The following OTOA variants were observed in gnomAD, a reference collection of about 807,000 sequenced individuals.
OTOA encodes the protein cancer/testis antigen 108.
A neutral mutation model predicts 110.8 loss-of-function variants in OTOA; 70 were observed. The ratio of observed to expected loss-of-function variants is 0.63; its 90% CI spans 0.52 to 0.77. The LOEUF (loss-of-function observed/expected upper bound fraction) is 0.77, where lower values mean the gene tolerates loss of function less well. Among genes scored for constraint, OTOA ranks in the 30% least tolerant of loss-of-function variants. OTOA has a pLI of 0.00. For synonymous variants in OTOA, 373 were observed against 431.5 expected (o/e 0.86, Z 1.68); for missense variants, 917 against 1,075.8 (o/e 0.85, Z 2.06).
At chr16:21,716,847 C>T in intron 14 of OTOA, 60 bp from the exon 15 acceptor site, 1 of 1,606,114 alleles carries the variant, frequency 6.2e-7, no homozygotes. Context: ...GTGCCTGGCC[C>T]TTCCTCAAAG....
intron 13 of OTOA, 142 bp from the exon 14 acceptor site, chr16:21,714,843 G>A (rs1898500432): frequency 4.7e-6 from 5 of 1,064,978 alleles, no homozygotes; most frequent in African/African-American, 4.7e-5. Context: ...AGGAAGGCCT[G>A]TGGAGGCAGC....
chr16:21,725,503 G>T (rs1898885296), intron 18 of OTOA, among the ~76,000 whole-genome samples: 2 of 151,952 alleles, frequency 1.3e-5, no homozygotes, highest in Admixed American at 1.3e-4. Flanking sequence ...GCTCAGGCTG[G>T]TCTCAAACTC....
chr16:21,728,291 G>A lies in OTOA; in HGVS notation c.2067G>A (p.Leu689=), dbSNP rs750365111. The change falls in exon 20 of 29, where the codon CTG becomes CTA. Residue 689 remains leucine, a synonymous_variant. Coordinates refer to ENST00000646100, the MANE Select transcript of OTOA (RefSeq NM_144672.4). Reference sequence around the variant, plus strand: ...CTGTGGACATCATGGGGAACCTGCTGTGTCACTTGCCGGCAGCCATCATCG... The same window carrying A: ...CTGTGGACATCATGGGGAACCTGCTATGTCACTTGCCGGCAGCCATCATCG... ...EYTVDIMGNL[L]CHLPAAIIDR... is the part of the protein sequence containing the mutation. The A allele has an allele frequency of 1.2e-5, 19 of 1,614,068 alleles. No homozygotes were observed. Among genetic ancestry groups the A allele is most frequent in the Non-Finnish European group, 1.6e-5 (19 of 1,180,042 alleles).
intron 9 of OTOA, among the ~76,000 whole-genome samples, chr16:21,695,891 A>ATTTTTTTTTTTTTTTTTT (rs386384450): frequency 7.2e-5 from 3 of 41,896 alleles, no homozygotes; most frequent in Non-Finnish European, 1.1e-4. Context: ...ATATATATAT[A>ATTTTTTTTTTTTTTTTTT]TTTTTTTTTT....
chr16:21,711,517 T>C (rs1898353119), intron 13 of OTOA, among the ~76,000 whole-genome samples: 1 of 152,212 alleles, frequency 6.6e-6, no homozygotes, highest in Non-Finnish European at 1.5e-5. Flanking sequence ...TCGCCCATGC[T>C]GGAATGCAAT....
intron 1 of OTOA, among the ~76,000 whole-genome samples, chr16:21,673,700 A>G (rs1269276387): frequency 2.0e-5 from 3 of 152,178 alleles, no homozygotes; most frequent in African/African-American, 7.2e-5. Context: ...GAGTTTAACC[A>G]TTCACCTACG....
chr16:21,724,578 A>G (rs1898856292), intron 18 of OTOA, among the ~76,000 whole-genome samples: 2 of 152,154 alleles, frequency 1.3e-5, no homozygotes, highest in Non-Finnish European at 2.9e-5. Context: ...AGAGGATAGA[A>G]TGCAGGGAGG....
At chr16:21,757,985 G>A (rs1333593687) in intron 28 of OTOA, among the ~76,000 whole-genome samples, 1 of 152,042 alleles carries the variant, frequency 6.6e-6, no homozygotes. Flanking sequence ...CGCAGTAGGG[G>A]CTGGGAATAC....
intron 13 of OTOA, among the ~76,000 whole-genome samples, chr16:21,714,300 T>TCTTTCTTC (rs1555499732): frequency 4.0e-5 from 4 of 100,436 alleles, no homozygotes; most frequent in East Asian, 2.6e-4. Flanking sequence ...TCTTTTCCTT[T>TCTTTCTTC]CTTCCTTCCT....
intron 9 of OTOA, among the ~76,000 whole-genome samples, chr16:21,692,616 C>A (rs537652770): frequency 2.2e-4 from 33 of 151,926 alleles, no homozygotes; most frequent in Non-Finnish European, 4.3e-4. Flanking sequence ...TACTCCCGCT[C>A]AACTCTACAC....
intron 28 of OTOA, among the ~76,000 whole-genome samples, chr16:21,758,026 G>T (rs1322193757): frequency 2.0e-5 from 3 of 152,074 alleles, no homozygotes; most frequent in Admixed American, 2.0e-4. Context: ...AGGCCCTCTT[G>T]TAAATGAAGA....
At position 21,687,501 on chromosome 16, in the gene OTOA, C is replaced by T. The variant is rs2141660983; in HGVS notation, c.488C>T (p.Thr163Ile). Residue 163 changes from threonine (T) to isoleucine (I), a missense_variant, in exon 8 of 29, where the codon ACA becomes ATA. Thr to Ile is a moderately conservative substitution (Grantham distance 89). Coordinates refer to ENST00000646100, the MANE Select transcript of OTOA (RefSeq NM_144672.4). ...PGVNRSLFLI[T>I]LERCFQMLNS... ...GTGAACCGCAGCCTGTTTCTCATCACACTGGAGAGGTGTTTCCAGATGCTG... is the reference window on the plus strand; with the variant it reads ...GTGAACCGCAGCCTGTTTCTCATCATACTGGAGAGGTGTTTCCAGATGCTG... 1.2e-6 allele frequency: 2 copies of T among 1,614,092 alleles called. No homozygotes were observed. Among genetic ancestry groups the T allele is most frequent in the African/African-American group, 1.3e-5 (1 of 75,014 alleles).
intron 9 of OTOA, among the ~76,000 whole-genome samples, chr16:21,695,891 A>ATATTTTTTTTTTTT (rs569493650): frequency 7.2e-5 from 3 of 41,904 alleles, no homozygotes; most frequent in African/African-American, 1.5e-4. Context: ...ATATATATAT[A>ATATTTTTTTTTTTT]TTTTTTTTTT....
chr16:21,706,088 A>T (rs1031897430), intron 12 of OTOA, among the ~76,000 whole-genome samples: 1 of 142,014 alleles, frequency 7.0e-6, no homozygotes, highest in Admixed American at 7.0e-5. Context: ...GACCCTATCT[A>T]AAAAAAAGAA....
In OTOA at chr16:21,684,842, C is replaced by T. The variant is rs562866941; in HGVS notation, c.268-388C>T. 2.9e-3 allele frequency among the ~76,000 whole-genome samples: 440 copies of T among 151,500 alleles called. 1 individual carries two copies. Among genetic ancestry groups the T allele is most frequent in the Non-Finnish European group, 5.1e-3 (349 of 67,902 alleles). On this transcript the variant is annotated intron_variant, in intron 6 of 28. Transcript: ENST00000646100. ...TCTCGGCTCACTGCAACCTCCGCCT[C>T]CCGGGTTTAAGCGATTCTCCTGCCT...
intron 13 of OTOA, 44 bp downstream of exon 13, chr16:21,710,147 C>A: frequency 1.3e-6 from 2 of 1,524,238 alleles, no homozygotes; most frequent in Non-Finnish European, 1.8e-6. Context: ...CTAAGATGAC[C>A]TAAGTGTATT....
At chr16:21,721,533 A>G (rs1216922788) in intron 17 of OTOA, 3 of 455,124 alleles carry the variant, frequency 6.6e-6, no homozygotes, top group South Asian at 3.1e-5. Flanking sequence ...GAGGTGAGCA[A>G]CTGTGTTTCA....
chr16:21,672,184 G>T (rs960547176), intron 1 of OTOA, among the ~76,000 whole-genome samples: 38 of 151,924 alleles, frequency 2.5e-4, no homozygotes, highest in Non-Finnish European at 7.4e-5. Context: ...TTTTTGACTG[G>T]CTTCTTTTGC....
Position 21,697,676 on chromosome 16 carries a change from G to A in OTOA, c.740-99G>A, listed in dbSNP as rs1011722280. 1.3e-5 allele frequency: 14 copies of A among 1,060,862 alleles called. No individual in the cohort carries two copies. In the African/African-American group the frequency reaches 1.9e-4, roughly 14 times the overall value. 65.7% of individuals were successfully genotyped at this position (1,060,862 alleles called of 1,614,324 possible). A position where few individuals can be genotyped will look rare whatever the true frequency, so the allele number is the denominator to read the frequency against. On this transcript the variant is annotated intron_variant, in intron 9 of 28. Transcript: ENST00000646100. ...AATAACGAATTAATGAATGCAAGAA[G>A]TAGGTCTTGACAGCAAAGATGCTGT...
Sources: allele counts gnomAD v4.1 joint callset (sites outside exome capture counted in the v4.1 genomes callset), GRCh38; gene constraint gnomAD v4.1.1; transcripts MANE v1.5; gene names NCBI Gene and HGNC (gene_info 2026-07-23, HGNC 2026-07-21).